The following PRDM16 variants were observed in gnomAD, a reference collection of about 807,000 sequenced individuals.
PRDM16 encodes the protein histone-lysine N-methyltransferase PRDM16.
PRDM16 carries 23 observed loss-of-function variants against 110.6 expected under a neutral mutation model. That is an observed-to-expected ratio of 0.21 (90% confidence interval 0.15 to 0.29). The LOEUF (loss-of-function observed/expected upper bound fraction) is 0.29, where lower values mean the gene tolerates loss of function less well. Ranked by LOEUF, PRDM16 falls within the 10% of genes least tolerant of loss-of-function variation. The pLI is 1.00. For missense variants in PRDM16, 1,615 were observed against 1,794.3 expected (o/e 0.90, Z 1.81); for synonymous variants, 799 against 781.8 (o/e 1.02, Z -0.37).
chr1:3,421,042 G>C (rs946688946), intron 12 of PRDM16, among the ~76,000 whole-genome samples: 1 of 152,232 alleles, frequency 6.6e-6, no homozygotes, highest in Non-Finnish European at 1.5e-5. Context: ...AAGCTGGAGC[G>C]TGCAAGGGAG....
intron 3 of PRDM16, among the ~76,000 whole-genome samples, chr1:3,292,041 C>T (rs928862380): frequency 2.6e-5 from 4 of 152,198 alleles, no homozygotes; most frequent in Non-Finnish European, 5.9e-5. Context: ...CGCAGGACCC[C>T]GCAGGAAGGT....
chr1:3,322,157 CTGTGTG>C (rs371089810), intron 3 of PRDM16, among the ~76,000 whole-genome samples: 1 of 149,210 alleles, frequency 6.7e-6, no homozygotes, highest in African/African-American at 2.5e-5. Flanking sequence ...TGTGAGTGCA[CTGTGTG>C]TGTGTGCTGT....
intron 2 of PRDM16, among the ~76,000 whole-genome samples, chr1:3,188,941 G>A (rs7529508): frequency 0.012 from 1,827 of 152,272 alleles, 38 homozygotes; most frequent in African/African-American, 0.041. Context: ...GGGGCCTTTG[G>A]GCAGGAAAAC....
chr1:3,361,121 C>T (rs1367839532), intron 3 of PRDM16, among the ~76,000 whole-genome samples: 1 of 152,222 alleles, frequency 6.6e-6, no homozygotes, highest in Non-Finnish European at 1.5e-5. Context: ...CAGCATTCCT[C>T]GCCTCACATT....
At position 3,412,188 on chromosome 1, in the gene PRDM16, A is replaced by C; in HGVS notation, c.1991A>C (p.Glu664Ala). The C allele has an allele frequency of 6.3e-7, 1 of 1,593,804 alleles. No homozygotes were observed. The highest frequency in any genetic ancestry group is 1.1e-5 in the South Asian group (1 of 89,796). ...CCGGGGGCCCCGAACAGCGTGGCCG[A>C]GGTGCCTGTCTTCTATTCCCAGCAC... ...APPGAPNSVAEVPVFYSQHSF... is the reference protein window; with the variant it reads ...APPGAPNSVAAVPVFYSQHSF... Residue 664 changes from glutamate to alanine, a missense_variant, in exon 9 of 17, where the codon GAG becomes GCG. This residue lies in a region of PRDM16 where 772 missense variants were observed against 748.3 expected (regional missense o/e 1.03). Coordinates refer to ENST00000270722, the MANE Select transcript of PRDM16 (RefSeq NM_022114.4).
Position 3,186,238 on chromosome 1 carries a change from C to T in PRDM16, c.151C>T (p.Pro51Ser). 6.2e-7 allele frequency: 1 copy of T among 1,612,428 alleles called. No individual in the cohort carries two copies. Among genetic ancestry groups the T allele is most frequent in the Non-Finnish European group, 8.5e-7 (1 of 1,179,716 alleles). The change falls in exon 2 of 17, where the codon CCG becomes TCG. Residue 51 changes from proline to serine, a missense_variant. Pro to Ser is a moderately conservative substitution (Grantham distance 74). This residue lies in a region of PRDM16 where 416 missense variants were observed against 467.1 expected (regional missense o/e 0.89). Coordinates refer to ENST00000270722, the MANE Select transcript of PRDM16 (RefSeq NM_022114.4). ...SAMSPIPVGP[P>S]SPFPTSEDFT... Reference sequence around the variant, plus strand: ...CATGTCGCCCATCCCCGTGGGGCCACCGTCCCCCTTCCCCACCAGCGAGGA... The same window carrying T: ...CATGTCGCCCATCCCCGTGGGGCCATCGTCCCCCTTCCCCACCAGCGAGGA...
chr1:3,090,063 C>T (rs55932943), intron 1 of PRDM16, among the ~76,000 whole-genome samples: 24,910 of 152,200 alleles, frequency 0.16, 2,149 homozygotes, highest in Middle Eastern at 0.23. Context: ...ATATAACCCC[C>T]GCAAAGTAAA....
In PRDM16 at chr1:3,294,145, G is replaced by A. The variant is rs904257672; in HGVS notation, c.438+50008G>A. Among the ~76,000 whole-genome samples the A allele has an allele frequency of 4.6e-5, 7 of 151,042 alleles. No homozygotes were observed. The East Asian group carries it at 1.2e-3, about 25-fold the overall frequency. Reference sequence around the variant, plus strand: ...GAACCTGCCTACCAGGTAAACAGGCGAAACCTAGAACCTGCCTACCAGGTA... The same window carrying A: ...GAACCTGCCTACCAGGTAAACAGGCAAAACCTAGAACCTGCCTACCAGGTA... On this transcript the variant is annotated intron_variant, in intron 3 of 16. Transcript: ENST00000270722.
At chr1:3,179,044 G>A (rs548832191) in intron 1 of PRDM16, among the ~76,000 whole-genome samples, 5 of 152,338 alleles carry the variant, frequency 3.3e-5, no homozygotes, top group South Asian at 2.1e-4. Context: ...CACCTTTCAC[G>A]GGCCTTGAGG....
intron 3 of PRDM16, among the ~76,000 whole-genome samples, chr1:3,348,070 G>A (rs559750372): frequency 3.3e-5 from 5 of 152,302 alleles, no homozygotes; most frequent in African/African-American, 7.2e-5. Flanking sequence ...GTCGGAGCAC[G>A]GGGCAGCCTG....
At chr1:3,228,967 C>T (rs942210459) in intron 2 of PRDM16, among the ~76,000 whole-genome samples, 2 of 152,254 alleles carry the variant, frequency 1.3e-5, no homozygotes, top group South Asian at 4.1e-4. Context: ...TGCAGAACAG[C>T]TCTCCCAGCC....
intron 1 of PRDM16, among the ~76,000 whole-genome samples, chr1:3,176,631 A>G (rs1191331168): frequency 2.0e-5 from 3 of 147,004 alleles, no homozygotes; most frequent in African/African-American, 7.6e-5. Flanking sequence ...CCATCCATCC[A>G]TGTACCCATC....
intron 1 of PRDM16, among the ~76,000 whole-genome samples, chr1:3,173,531 G>A (rs556318756): frequency 7.2e-5 from 11 of 152,362 alleles, no homozygotes; most frequent in East Asian, 3.9e-4. Flanking sequence ...GATTCAGCTC[G>A]GCTGGTCAGG....
chr1:3,351,153 C>T (rs946624982), intron 3 of PRDM16, among the ~76,000 whole-genome samples: 1 of 152,134 alleles, frequency 6.6e-6, no homozygotes, highest in African/African-American at 2.4e-5. Context: ...AGATGTGGGT[C>T]TCAGAAGCAC....
intron 2 of PRDM16, among the ~76,000 whole-genome samples, chr1:3,224,712 T>C (rs1235897854): frequency 1.3e-5 from 2 of 152,208 alleles, no homozygotes; most frequent in East Asian, 3.8e-4. Flanking sequence ...GGCCACAGCC[T>C]GGATAAAAGA....
chr1:3,172,201 C>T (rs974973821), intron 1 of PRDM16, among the ~76,000 whole-genome samples: 1 of 152,170 alleles, frequency 6.6e-6, no homozygotes, highest in Admixed American at 6.5e-5. Flanking sequence ...CCCCCACGGT[C>T]TTCCCGGTTG....
chr1:3,170,508 C>T lies in PRDM16; in HGVS notation c.38-15617C>T, dbSNP rs111758948. Among the ~76,000 whole-genome samples, 270 of 152,312 alleles carry T rather than the reference C, an allele frequency of 1.8e-3. 2 individuals are homozygous for T. The highest frequency in any genetic ancestry group is 6.3e-3 in the African/African-American group (261 of 41,560). ...GGAGGGTCCTCCTGGCCCCGAGAGC[C>T]GGAGCCCAAGGTGGCACCAGTTTCC... On this transcript the variant is annotated intron_variant, in intron 1 of 16. Transcript: ENST00000270722.
chr1:3,227,938 G>A (rs943238522), intron 2 of PRDM16, among the ~76,000 whole-genome samples: 8 of 152,210 alleles, frequency 5.3e-5, no homozygotes, highest in African/African-American at 1.7e-4. Flanking sequence ...CGAGTGGGTC[G>A]AGTTTGCTCT....
chr1:3,253,183 C>CT (rs994402122), intron 3 of PRDM16, among the ~76,000 whole-genome samples: 3 of 151,830 alleles, frequency 2.0e-5, no homozygotes, highest in Non-Finnish European at 2.9e-5. Context: ...GCACCACACT[C>CT]TTTTTTTTAA....
Sources: allele counts gnomAD v4.1 joint callset (sites outside exome capture counted in the v4.1 genomes callset), GRCh38; gene constraint gnomAD v4.1.1; regional missense constraint gnomAD v4.1.1; transcripts MANE v1.5; gene names NCBI Gene and HGNC (gene_info 2026-07-23, HGNC 2026-07-21).